Variants in MERTK observed in about 807,000 individuals in gnomAD.
MERTK encodes the protein MER proto-oncogene, tyrosine kinase.
MERTK carries 69 observed loss-of-function variants against 99.3 expected under a neutral mutation model. That is an observed-to-expected ratio of 0.70 (90% CI 0.57 to 0.85). MERTK has a LOEUF of 0.85. Among genes scored for constraint, MERTK ranks in the 40% least tolerant of loss-of-function variants. The pLI is 0.00. For missense variants in MERTK, 1,125 were observed against 1,249.4 expected, an observed-to-expected ratio of 0.90 and a Z score of 1.50; for synonymous variants, 426 against 467.6, an observed-to-expected ratio of 0.91 and a Z score of 1.15.
At chr2:111,945,172 A>G (rs1384798647) in intron 3 of MERTK, 112 bp downstream of exon 3, 2 of 811,840 alleles carry the variant, frequency 2.5e-6, no homozygotes, top group African/African-American at 1.7e-5. Context: ...ATAACTCTGT[A>G]TGCAAACCTT....
At chr2:111,940,295 A>G in intron 2 of MERTK, 4 of 460,316 alleles carry the variant, frequency 8.7e-6, no homozygotes, top group Non-Finnish European at 4.3e-6. Flanking sequence ...CTGAAGTCCT[A>G]AAGTGTTCAT....
chr2:111,970,225 C>T (rs541730579), intron 6 of MERTK, among the ~76,000 whole-genome samples: 155 of 150,214 alleles, frequency 1.0e-3, no homozygotes, highest in Middle Eastern at 3.5e-3. Flanking sequence ...GGTGTGATCT[C>T]GGCTCACTGC....
chr2:111,921,314 A>C (rs1409048485), intron 1 of MERTK, among the ~76,000 whole-genome samples: 1 of 152,136 alleles, frequency 6.6e-6, no homozygotes, highest in Admixed American at 6.5e-5. Flanking sequence ...AGCCTGACCA[A>C]CATGGTGAAA....
intron 2 of MERTK, among the ~76,000 whole-genome samples, chr2:111,938,731 C>T (rs965989228): frequency 6.6e-6 from 1 of 152,128 alleles, no homozygotes; most frequent in Non-Finnish European, 1.5e-5. Context: ...GATTTTTATA[C>T]CATTTTTTTT....
At chr2:112,012,870 C>T (rs1400606336) in intron 15 of MERTK, among the ~76,000 whole-genome samples, 5 of 152,114 alleles carry the variant, frequency 3.3e-5, no homozygotes, top group Admixed American at 6.5e-5. Flanking sequence ...TCTGTAGAAA[C>T]AGCCCTTTAT....
intron 1 of MERTK, among the ~76,000 whole-genome samples, chr2:111,902,642 T>C (rs891831962): frequency 2.6e-5 from 4 of 152,092 alleles, no homozygotes; most frequent in Non-Finnish European, 5.9e-5. Context: ...TCCTTTGGGT[T>C]TCAGTTCAGA....
At chr2:112,017,585 G>A (rs759154914) in intron 15 of MERTK, among the ~76,000 whole-genome samples, 12 of 151,704 alleles carry the variant, frequency 7.9e-5, no homozygotes, top group African/African-American at 1.7e-4. Flanking sequence ...AGCTCAGATC[G>A]CGCCACTGCA....
rs779918962 is a variant in MERTK at position 112,028,698 on chromosome 2, C to G, written c.2834C>G (p.Pro945Arg). 1.9e-6 allele frequency: 3 copies of G among 1,614,156 alleles called. No homozygotes were observed. Among genetic ancestry groups the G allele is most frequent in the South Asian group, 1.1e-5 (1 of 91,086 alleles). Residue 945 changes from proline (P) to arginine (R), a missense_variant, in exon 19 of 19, where the codon CCC becomes CGC. Coordinates refer to ENST00000295408, the MANE Select transcript of MERTK (RefSeq NM_006343.3). The part of the protein sequence containing the change: ...SEEWEDLTSA[P>R]SAAVTAEKNS... ...GAATGGGAAGATCTGACTTCTGCCC[C>G]CTCTGCTGCAGTCACAGCTGAAAAG...
chr2:111,975,799 A>G (rs919683899), intron 7 of MERTK, among the ~76,000 whole-genome samples: 1 of 152,080 alleles, frequency 6.6e-6, no homozygotes, highest in Non-Finnish European at 1.5e-5. Flanking sequence ...GCCTTCGGCC[A>G]CTCCAATATA....
intron 2 of MERTK, among the ~76,000 whole-genome samples, chr2:111,942,335 A>G (rs1297054270): frequency 6.8e-6 from 1 of 146,888 alleles, no homozygotes; most frequent in African/African-American, 2.5e-5. Flanking sequence ...TTTGAACTCC[A>G]AAGATTAGAT....
At chr2:111,899,202 C>T (rs532129249) in intron 1 of MERTK, among the ~76,000 whole-genome samples, 3 of 152,328 alleles carry the variant, frequency 2.0e-5, no homozygotes, top group African/African-American at 7.2e-5. Context: ...GGTGGGGCCC[C>T]GCTCTGGCCG....
intron 13 of MERTK, 21 bp from the exon 14 acceptor site, chr2:112,008,362 C>A (rs761752852): frequency 6.3e-7 from 1 of 1,588,782 alleles, no homozygotes; most frequent in Non-Finnish European, 8.6e-7. Context: ...CATACTTAAC[C>A]TTTTCTATTT....
chr2:111,941,734 T>C (rs1390197409), intron 2 of MERTK, among the ~76,000 whole-genome samples: 1 of 152,154 alleles, frequency 6.6e-6, no homozygotes, highest in East Asian at 1.9e-4. Context: ...TTTGCTGTAA[T>C]ATAGGTGGCA....
At chr2:111,925,307 T>A (rs1185292375) in intron 1 of MERTK, among the ~76,000 whole-genome samples, 1 of 109,554 alleles carries the variant, frequency 9.1e-6, no homozygotes, top group Non-Finnish European at 1.9e-5. Context: ...TTTTTTTTTT[T>A]TTTTTTTTTT....
rs786205535 is a variant in MERTK, at chr2:112,021,494, C to G, written c.2262C>G (p.Tyr754Ter). The change falls in exon 17 of 19, where the codon TAC becomes TAG. Residue 754 changes from tyrosine to a stop codon, truncating the protein, a stop_gained. Transcript: ENST00000295408. LOFTEE classifies it high-confidence loss of function. ...LSKKIYSGDY[Y>*]RQGRIAKMPV... ...AGAAGATTTACAGTGGCGATTATTA[C>G]CGCCAAGGCCGCATTGCTAAGATGC... The G allele has an allele frequency of 6.2e-7, 1 of 1,613,906 alleles. No individual in the cohort carries two copies. Among genetic ancestry groups the G allele is most frequent in the Non-Finnish European group, 8.5e-7 (1 of 1,179,872 alleles).
At chr2:111,945,989 T>G (rs1167393908) in intron 3 of MERTK, among the ~76,000 whole-genome samples, 1 of 152,190 alleles carries the variant, frequency 6.6e-6, no homozygotes, top group South Asian at 2.1e-4. Context: ...CAGAAACATC[T>G]CCCACTGAAA....
intron 1 of MERTK, among the ~76,000 whole-genome samples, chr2:111,919,529 T>A (rs1056682534): frequency 6.6e-6 from 1 of 151,902 alleles, no homozygotes; most frequent in African/African-American, 2.4e-5. Context: ...GAGGTCAGAT[T>A]CTGGAAGGCT....
chr2:112,005,431 TAG>T (rs1676961234), intron 13 of MERTK, among the ~76,000 whole-genome samples: 1 of 152,188 alleles, frequency 6.6e-6, no homozygotes, highest in Non-Finnish European at 1.5e-5. Flanking sequence ...TTGAAATAGC[TAG>T]AAAGGGGGCA....
At chr2:112,004,220 A>T (rs1336790898) in intron 13 of MERTK, among the ~76,000 whole-genome samples, 1 of 152,082 alleles carries the variant, frequency 6.6e-6, no homozygotes, top group Non-Finnish European at 1.5e-5. Context: ...CTATGCATAC[A>T]TACTGTCTGT....
Sources: allele counts gnomAD v4.1 joint callset (sites outside exome capture counted in the v4.1 genomes callset), GRCh38; gene constraint gnomAD v4.1.1; transcripts MANE v1.5; gene names NCBI Gene and HGNC (gene_info 2026-07-23, HGNC 2026-07-21).